CNBD1: variants seen among roughly 807,000 people sequenced by gnomAD.
CNBD1 encodes the protein cyclic nucleotide binding domain containing 1.
A neutral mutation model predicts 54.4 loss-of-function variants in CNBD1; 71 were observed. The ratio of observed to expected loss-of-function variants is 1.30; its 90% CI spans 1.08 to 1.59. The LOEUF (loss-of-function observed/expected upper bound fraction) is 1.59. Ranked by LOEUF, CNBD1 falls within the 40% of genes most tolerant of loss-of-function variation. The pLI is 0.00. For missense variants in CNBD1, 659 were observed against 518.0 expected, an observed-to-expected ratio of 1.27 and a Z score of -2.64; for synonymous variants, 182 against 170.7, an observed-to-expected ratio of 1.07 and a Z score of -0.51.
chr8:87,010,214 C>T (rs1293520463), intron 4 of CNBD1, among the ~76,000 whole-genome samples: 20 of 152,040 alleles, frequency 1.3e-4, no homozygotes, highest in Admixed American at 1.3e-3. Flanking sequence ...TACCTTTTTC[C>T]CCCCACTTCC....
intron 4 of CNBD1, among the ~76,000 whole-genome samples, chr8:87,117,134 C>T (rs919229516): frequency 2.0e-5 from 3 of 152,164 alleles, no homozygotes; most frequent in Non-Finnish European, 4.4e-5. Context: ...TGTGGTGGCT[C>T]ACGCCTGTAA....
chr8:87,105,772 G>A (rs934215949), intron 4 of CNBD1, among the ~76,000 whole-genome samples: 1 of 151,750 alleles, frequency 6.6e-6, no homozygotes, highest in African/African-American at 2.4e-5. Context: ...ACTTATTTTA[G>A]TTGTCAGTTC....
chr8:87,325,733 C>G (rs1365926432), intron 8 of CNBD1, among the ~76,000 whole-genome samples: 17 of 143,808 alleles, frequency 1.2e-4, no homozygotes, highest in African/African-American at 2.6e-4. Context: ...ATACAACACA[C>G]TGATGGGTCT....
chr8:86,898,799 G>A (rs1251945798), intron 2 of CNBD1, among the ~76,000 whole-genome samples: 1 of 152,092 alleles, frequency 6.6e-6, no homozygotes, highest in Non-Finnish European at 1.5e-5. Flanking sequence ...CATGACTGAT[G>A]AAAGATAAAA....
chr8:87,344,918 AC>A (rs1242658013), intron 8 of CNBD1, among the ~76,000 whole-genome samples: 2 of 152,158 alleles, frequency 1.3e-5, no homozygotes, highest in African/African-American at 4.8e-5. Flanking sequence ...ATGGACAGTT[AC>A]CCTGGTTAAC....
intron 5 of CNBD1, among the ~76,000 whole-genome samples, chr8:87,236,429 C>A (rs1274207305): frequency 6.6e-6 from 1 of 151,976 alleles, no homozygotes; most frequent in Admixed American, 6.6e-5. Flanking sequence ...CCACCCTCTC[C>A]AAACTGTCTC....
intron 4 of CNBD1, among the ~76,000 whole-genome samples, chr8:87,128,411 A>G (rs1233017941): frequency 2.0e-5 from 3 of 152,124 alleles, no homozygotes; most frequent in Non-Finnish European, 4.4e-5. Flanking sequence ...CCTCTCGTGA[A>G]GGGGGTTTGA....
At chr8:86,896,410 A>T (rs1808849041) in intron 2 of CNBD1, among the ~76,000 whole-genome samples, 2 of 152,112 alleles carry the variant, frequency 1.3e-5, no homozygotes, top group Admixed American at 6.6e-5. Flanking sequence ...TAACAATATT[A>T]ATTTTTCTGA....
chr8:87,281,215 C>G (rs1362076051), intron 6 of CNBD1, among the ~76,000 whole-genome samples: 1 of 151,440 alleles, frequency 6.6e-6, no homozygotes, highest in African/African-American at 2.4e-5. Flanking sequence ...CATTCTGTTT[C>G]AAAGTCACAT....
chr8:87,273,239 T>C (rs1316360347), intron 6 of CNBD1, among the ~76,000 whole-genome samples: 1 of 151,972 alleles, frequency 6.6e-6, no homozygotes, highest in African/African-American at 2.4e-5. Flanking sequence ...ATTTTTAAAA[T>C]ATATATCTGG....
chr8:86,954,715 G>A (rs1807715435), intron 4 of CNBD1, among the ~76,000 whole-genome samples: 1 of 152,156 alleles, frequency 6.6e-6, no homozygotes, highest in Non-Finnish European at 1.5e-5. Context: ...TACCTGGTAA[G>A]TTATTTTAGT....
intron 2 of CNBD1, among the ~76,000 whole-genome samples, chr8:87,412,744 T>A (rs1270714506): frequency 6.6e-6 from 1 of 152,046 alleles, no homozygotes; most frequent in Non-Finnish European, 1.5e-5. Context: ...GACATGTACT[T>A]TTCCGAAGAA....
At chr8:87,111,240 A>G (rs1811655527) in intron 4 of CNBD1, among the ~76,000 whole-genome samples, 1 of 152,232 alleles carries the variant, frequency 6.6e-6, no homozygotes, top group South Asian at 2.1e-4. Context: ...GCTGTTAAGT[A>G]TGTCCATCCC....
chr8:87,037,408 T>G (rs1236177059), intron 4 of CNBD1, among the ~76,000 whole-genome samples: 2 of 152,152 alleles, frequency 1.3e-5, no homozygotes, highest in African/African-American at 2.4e-5. Context: ...ATTATTTCAG[T>G]GATAATCATC....
intron 2 of CNBD1, among the ~76,000 whole-genome samples, chr8:87,410,227 C>A (rs1586085357): frequency 6.6e-6 from 1 of 152,066 alleles, no homozygotes; most frequent in East Asian, 1.9e-4. Context: ...TGCCTGCTAC[C>A]ACAACATTTA....
In CNBD1 at chr8:86,910,262, G is replaced by A. The variant is rs188291810; in HGVS notation, c.272+5068G>A. ...AAGGGATACAAGATCTGGAGTGCTT[G>A]TCGGACTCTCTACTTCTCATCCCTG... On this transcript the variant is annotated intron_variant, in intron 3 of 10. Transcript: ENST00000518476. 1.0e-3 allele frequency among the ~76,000 whole-genome samples: 158 copies of A among 152,264 alleles called. 2 individuals are homozygous for A. The highest frequency in any genetic ancestry group is 5.3e-3 in the Admixed American group (81 of 15,286).
chr8:87,398,869 A>AGACAG (rs1811452995), intron 2 of CNBD1, among the ~76,000 whole-genome samples: 1 of 152,042 alleles, frequency 6.6e-6, no homozygotes, highest in South Asian at 2.1e-4. Context: ...TTACTGACCA[A>AGACAG]GACAGGCAGT....
intron 2 of CNBD1, among the ~76,000 whole-genome samples, chr8:87,421,611 T>G (rs566673232): frequency 6.6e-6 from 1 of 152,084 alleles, no homozygotes; most frequent in Non-Finnish European, 1.5e-5. Flanking sequence ...GAACTCATCA[T>G]TTTTATGGCT....
At chr8:86,889,616 T>A (rs987175714) in intron 2 of CNBD1, among the ~76,000 whole-genome samples, 1 of 152,078 alleles carries the variant, frequency 6.6e-6, no homozygotes, top group African/African-American at 2.4e-5. Flanking sequence ...AGGCAGTAGG[T>A]TGGTATATTA....
Sources: allele counts gnomAD v4.1 joint callset (sites outside exome capture counted in the v4.1 genomes callset), GRCh38; gene constraint gnomAD v4.1.1; transcripts MANE v1.5; gene names NCBI Gene and HGNC (gene_info 2026-07-23, HGNC 2026-07-21).